Variants in TSC22D1 observed in about 807,000 individuals in gnomAD.
TSC22D1 encodes the protein TSC22 domain family member 1, also known as TSC22 domain family protein 1.
A neutral mutation model predicts 74.2 loss-of-function variants in TSC22D1; 9 were observed. The ratio of observed to expected loss-of-function variants is 0.12; its 90% confidence interval spans 0.07 to 0.21. The LOEUF is 0.21. Ranked by LOEUF, TSC22D1 falls within the 10% of genes least tolerant of loss-of-function variation. The pLI is 1.00. For synonymous variants in TSC22D1, 586 were observed against 492.5 expected, an observed-to-expected ratio of 1.19 and a Z score of -2.51; for missense variants, 1,427 against 1,304.7, an observed-to-expected ratio of 1.09 and a Z score of -1.44.
rs551545281 is a variant in TSC22D1 at position 44,545,236 on chromosome 13, G to C, written c.2912+27927C>G. Among the ~76,000 whole-genome samples the C allele has an allele frequency of 1.4e-4, 22 of 152,186 alleles. 1 individual carries two copies. Among genetic ancestry groups the C allele is most frequent in the Admixed American group, 1.4e-3 (22 of 15,294 alleles). Reference sequence around the variant, plus strand: ...TGTAGTCCCAGCTACGTGGGAGGCTGAGGCAAGAGAATCGCTTGAACCCGG... The same window carrying C: ...TGTAGTCCCAGCTACGTGGGAGGCTCAGGCAAGAGAATCGCTTGAACCCGG... On this transcript the variant is annotated intron_variant, in intron 1 of 2. Transcript: ENST00000458659.
intron 1 of TSC22D1, among the ~76,000 whole-genome samples, chr13:44,563,104 CAAA>C (rs771465488): frequency 8.3e-6 from 1 of 121,044 alleles, no homozygotes; most frequent in Admixed American, 8.6e-5. Context: ...AACTCCATCT[CAAA>C]AAAAAAAAAA....
chr13:44,472,802 T>C (rs1877683243), intron 1 of TSC22D1, among the ~76,000 whole-genome samples: 1 of 152,136 alleles, frequency 6.6e-6, no homozygotes, highest in South Asian at 2.1e-4. Context: ...TGTTTTGAGG[T>C]ATATATTTTT....
chr13:44,537,998 T>G, intron 1 of TSC22D1: 1 of 985,348 alleles, frequency 1.0e-6, no homozygotes. Context: ...GACCAGTTAA[T>G]AGATACCAAA....
intron 1 of TSC22D1, among the ~76,000 whole-genome samples, chr13:44,498,277 AAC>A (rs1879063031): frequency 6.7e-6 from 1 of 149,416 alleles, no homozygotes; most frequent in Non-Finnish European, 1.5e-5. Context: ...CAGCCTGGGC[AAC>A]AAAGTGAGAT....
chr13:44,440,543 G>A (rs1020976187), intron 1 of TSC22D1, among the ~76,000 whole-genome samples: 4 of 137,652 alleles, frequency 2.9e-5, no homozygotes, highest in East Asian at 2.1e-4. Flanking sequence ...AGCTGAGATC[G>A]CATCATTGCA....
intron 1 of TSC22D1, among the ~76,000 whole-genome samples, chr13:44,451,252 C>T (rs1876108066): frequency 1.3e-5 from 2 of 152,160 alleles, no homozygotes; most frequent in Admixed American, 6.5e-5. Flanking sequence ...GTGACAGAAG[C>T]GGGACACTGC....
chr13:44,538,534 C>G (rs1881284519), intron 1 of TSC22D1: 1 of 985,316 alleles, frequency 1.0e-6, no homozygotes, highest in Non-Finnish European at 1.2e-6. Context: ...GAAACAGATA[C>G]AGAGAGCCGC....
At chr13:44,571,393 C>T (rs1883755938) in intron 1 of TSC22D1, among the ~76,000 whole-genome samples, 1 of 152,132 alleles carries the variant, frequency 6.6e-6, no homozygotes, top group South Asian at 2.1e-4. Context: ...CATCATCTGA[C>T]TTTAATTGCC....
intron 1 of TSC22D1, among the ~76,000 whole-genome samples, chr13:44,508,294 C>T (rs1245241533): frequency 6.6e-6 from 1 of 152,146 alleles, no homozygotes; most frequent in African/African-American, 2.4e-5. Flanking sequence ...TTGAGATTCA[C>T]ATACATAGAA....
chr13:44,465,567 A>G (rs1447628547), intron 1 of TSC22D1, among the ~76,000 whole-genome samples: 1 of 152,210 alleles, frequency 6.6e-6, no homozygotes, highest in Non-Finnish European at 1.5e-5. Flanking sequence ...GCTACAAACC[A>G]CTAGACCAGA....
chr13:44,491,059 G>A (rs1209204476), intron 1 of TSC22D1, among the ~76,000 whole-genome samples: 1 of 151,896 alleles, frequency 6.6e-6, no homozygotes, highest in African/African-American at 2.4e-5. Context: ...CCAGCCACTT[G>A]GGAGGCTGAG....
At chr13:44,492,424 T>A (rs751706235) in intron 1 of TSC22D1, among the ~76,000 whole-genome samples, 1 of 152,214 alleles carries the variant, frequency 6.6e-6, no homozygotes, top group Non-Finnish European at 1.5e-5. Context: ...AAATCTTGAA[T>A]TGAACCATAG....
intron 1 of TSC22D1, among the ~76,000 whole-genome samples, chr13:44,534,381 A>G (rs2138073721): frequency 6.8e-6 from 1 of 146,746 alleles, no homozygotes; most frequent in South Asian, 2.1e-4. Flanking sequence ...AAAAAAAAAA[A>G]GCCAAAAATG....
intron 1 of TSC22D1, among the ~76,000 whole-genome samples, chr13:44,496,571 G>A (rs1595118110): frequency 6.6e-6 from 1 of 152,078 alleles, no homozygotes; most frequent in African/African-American, 2.4e-5. Context: ...TGTAGTCCCA[G>A]CTACTCAGGA....
In TSC22D1 at chr13:44,570,323, TG is replaced by T. The variant is rs774553806; in HGVS notation, c.2912+2839del. ...CTACCACCTCAGCCTTCCAGGTAGC[TG>T]GAACTACAGGCATGCGCCACCATGC... On this transcript the variant is annotated intron_variant, in intron 1 of 2. Coordinates refer to ENST00000458659, the MANE Select transcript of TSC22D1 (RefSeq NM_183422.4). 1.6e-4 allele frequency among the ~76,000 whole-genome samples: 25 copies of T among 151,860 alleles called. 1 individual carries two copies. The East Asian group carries it at 2.7e-3, about 16-fold the overall frequency.
chr13:44,434,994 CTTTAAAGTTGG>C (rs1874424409), intron 2 of TSC22D1, 111 bp from the exon 3 acceptor site: 1 of 962,084 alleles, frequency 1.0e-6, no homozygotes, highest in Admixed American at 2.3e-5. Context: ...CATATTCCAC[CTTTAAAGTTGG>C]TTCAATGACA....
chr13:44,503,599 C>G (rs1421635278), intron 1 of TSC22D1, among the ~76,000 whole-genome samples: 1 of 152,078 alleles, frequency 6.6e-6, no homozygotes. Context: ...GGAAAAGATA[C>G]AATCTAGAAT....
chr13:44,529,699 A>C (rs189906367), intron 1 of TSC22D1, among the ~76,000 whole-genome samples: 44 of 152,250 alleles, frequency 2.9e-4, no homozygotes, highest in Non-Finnish European at 7.4e-5. Flanking sequence ...GAATCAAGGA[A>C]AAGATTCCTG....
intron 1 of TSC22D1, among the ~76,000 whole-genome samples, chr13:44,484,605 G>C (rs1878340319): frequency 6.6e-6 from 1 of 152,172 alleles, no homozygotes; most frequent in African/African-American, 2.4e-5. Flanking sequence ...AATTGTTAAA[G>C]GTACAACTAA....
Sources: gnomAD v4.1 joint callset for allele counts (sites outside exome capture counted in the v4.1 genomes callset) on GRCh38, gnomAD v4.1.1 for gene constraint, MANE v1.5 for transcripts, NCBI Gene and HGNC (gene_info 2026-07-23, HGNC 2026-07-21) for gene names.